EPG5: variants seen among roughly 807,000 people sequenced by gnomAD.
The protein encoded by EPG5 is ectopic P-granules 5 autophagy tethering factor.
Under a neutral mutation model 302.7 loss-of-function variants are expected in EPG5, and 159 were observed. That is an observed-to-expected ratio of 0.53 (90% CI 0.46 to 0.60). The LOEUF (loss-of-function observed/expected upper bound fraction) is 0.60, where lower values mean the gene tolerates loss of function less well. Among genes scored for constraint, EPG5 ranks in the 20% least tolerant of loss-of-function variants. EPG5 has a pLI of 0.00. For synonymous variants in EPG5, 1,158 were observed against 1,136.8 expected, an observed-to-expected ratio of 1.02 and a Z score of -0.37; for missense variants, 2,896 against 3,092.4, an observed-to-expected ratio of 0.94 and a Z score of 1.51.
At chr18:45,956,285 A>G (rs978119515) in intron 1 of EPG5, among the ~76,000 whole-genome samples, 9 of 152,184 alleles carry the variant, frequency 5.9e-5, no homozygotes, top group African/African-American at 2.2e-4. Flanking sequence ...GTGGTCATGA[A>G]AGACAAGACT....
At position 45,917,655 on chromosome 18, in the gene EPG5, C is replaced by T. The variant is rs372018318; in HGVS notation, c.3239+24G>A. 9.9e-6 allele frequency: 16 copies of T among 1,613,248 alleles called. No homozygotes were observed. The East Asian group carries it at 3.1e-4, about 31-fold the overall frequency. Reference sequence around the variant, plus strand: ...TTGCTGGACTGTTTAAGAGTGTCTCCTGCCATAGATGGAACACACTTACTG... The same window carrying T: ...TTGCTGGACTGTTTAAGAGTGTCTCTTGCCATAGATGGAACACACTTACTG... On this transcript the variant is annotated intron_variant, in intron 17 of 43. Transcript: ENST00000282041.
intron 10 of EPG5, among the ~76,000 whole-genome samples, chr18:45,939,179 G>C (rs1376381677): frequency 6.6e-6 from 1 of 152,206 alleles, no homozygotes; most frequent in Non-Finnish European, 1.5e-5. Flanking sequence ...GACATTCCCA[G>C]ACCTTAAAAC....
intron 31 of EPG5, 64 bp downstream of exon 31, chr18:45,882,210 T>C (rs1486846881): frequency 3.7e-6 from 5 of 1,334,506 alleles, no homozygotes; most frequent in Non-Finnish European, 5.3e-6. Flanking sequence ...ATCTGTAAGA[T>C]GAAAAATGTG....
chr18:45,932,840 A>G (rs2050425869), intron 11 of EPG5, among the ~76,000 whole-genome samples: 1 of 152,178 alleles, frequency 6.6e-6, no homozygotes, highest in Non-Finnish European at 1.5e-5. Flanking sequence ...CCTGGAGTCC[A>G]GACAGAAAAC....
chr18:45,963,402 C>T (rs1477861853), intron 1 of EPG5, among the ~76,000 whole-genome samples: 3 of 152,060 alleles, frequency 2.0e-5, no homozygotes, highest in Non-Finnish European at 1.5e-5. Context: ...TTTGGGAGGC[C>T]GAGATGGGTG....
the EPG5 span, among the ~76,000 whole-genome samples, chr18:45,834,737 G>A: frequency 8.6e-4 from 131 of 152,350 alleles, 2 homozygotes; most frequent in Admixed American, 7.1e-3. Flanking sequence ...AAGTGGGGAA[G>A]TGTCCAATAC....
At chr18:45,897,337 C>T (rs911112572) in intron 27 of EPG5, among the ~76,000 whole-genome samples, 5 of 152,190 alleles carry the variant, frequency 3.3e-5, no homozygotes, top group Admixed American at 2.6e-4. Context: ...ATTCTCTTCT[C>T]TATATAAAAT....
intron 36 of EPG5, 40 bp from the exon 37 acceptor site, chr18:45,867,788 C>CAACAG: frequency 6.6e-7 from 1 of 1,519,384 alleles, no homozygotes; most frequent in South Asian, 1.2e-5. Context: ...TTGCCTTGTG[C>CAACAG]TATCTATGTA....
chr18:45,955,311 T>C lies in EPG5; in HGVS notation c.91A>G (p.Arg31Gly), dbSNP rs2051003279. The change falls in exon 2 of 44, where the codon AGG becomes GGG. Residue 31 changes from arginine (R) to glycine (G), a missense_variant. Transcript: ENST00000282041. ...KEKKKYETPQREESSEVSLPK... is the reference protein window; with the variant it reads ...KEKKKYETPQGEESSEVSLPK... ...AGGGAGACTTCACTGGACTCTTCCC[T>C]CTGAGGAGTTTCATACTTCTTCTTT... 1.3e-6 allele frequency: 2 copies of C among 1,589,314 alleles called. No individual in the cohort carries two copies. The highest frequency in any genetic ancestry group is 1.7e-4 in the Middle Eastern group (1 of 5,924).
At chr18:45,863,709 T>A (rs910086721) in intron 39 of EPG5, among the ~76,000 whole-genome samples, 1 of 152,242 alleles carries the variant, frequency 6.6e-6, no homozygotes, top group Non-Finnish European at 1.5e-5. Context: ...CACATTGAAG[T>A]TGTTATCCCA....
At chr18:45,908,121 T>A (rs750038874) in intron 23 of EPG5, 40 bp from the exon 24 acceptor site, 12 of 1,446,108 alleles carry the variant, frequency 8.3e-6, no homozygotes, top group Non-Finnish European at 1.1e-5. Flanking sequence ...CATAAAAAGA[T>A]GAGCATACAA....
chr18:45,951,069 C>G (rs1172139300), intron 4 of EPG5, 33 bp downstream of exon 4: 1 of 1,447,570 alleles, frequency 6.9e-7, no homozygotes, highest in Non-Finnish European at 9.1e-7. Context: ...AGAAATAAAA[C>G]AAAGACTACT....
chr18:45,918,173 G>A (rs567253634), intron 16 of EPG5, among the ~76,000 whole-genome samples: 24 of 152,082 alleles, frequency 1.6e-4, no homozygotes, highest in Non-Finnish European at 2.2e-4. Context: ...AGAGCCGTAG[G>A]GACTCTCCTT....
At chr18:45,958,545 G>C (rs1214204474) in intron 1 of EPG5, among the ~76,000 whole-genome samples, 1 of 152,148 alleles carries the variant, frequency 6.6e-6, no homozygotes, top group Non-Finnish European at 1.5e-5. Context: ...ATTTTGACAA[G>C]AATGCCAAAA....
At position 45,910,135 on chromosome 18, in the gene EPG5, G is replaced by A. The variant is rs146669780; in HGVS notation, c.4205+386C>T. On this transcript the variant is annotated intron_variant, in intron 23 of 43. Coordinates refer to ENST00000282041, the MANE Select transcript of EPG5 (RefSeq NM_020964.3). ...CAAGTAGCTGGGACCACAGGTGCAC[G>A]CCACCAGGCTTGGCTAATTTTTTTT... Among the ~76,000 whole-genome samples, 36 of 152,158 alleles carry A rather than the reference G, an allele frequency of 2.4e-4. No individual in the cohort carries two copies. The East Asian group carries it at 5.6e-3, about 24-fold the overall frequency.
At chr18:45,826,296 T>C in the EPG5 span, among the ~76,000 whole-genome samples, 3 of 152,126 alleles carry the variant, frequency 2.0e-5, no homozygotes, top group Non-Finnish European at 2.9e-5. Context: ...GTGGGAACAC[T>C]GTGGCAGGTT....
chr18:45,928,764 A>C, intron 13 of EPG5, 105 bp downstream of exon 13: 330 of 1,100,204 alleles, frequency 3.0e-4, no homozygotes, highest in Non-Finnish European at 3.9e-4. Flanking sequence ...TATCCTGTTT[A>C]TACCCCTAGT....
Position 45,928,744 on chromosome 18 carries a change from T to C in EPG5, c.2553+125A>G, listed in dbSNP as rs1038163606. On this transcript the variant is annotated intron_variant, in intron 13 of 43. Coordinates refer to ENST00000282041, the MANE Select transcript of EPG5 (RefSeq NM_020964.3). ...ACACAGAGGCTGGCACAGTAAATGT[T>C]AGTTCCTTTTATCCTGTTTATACCC... 8 of 821,100 alleles carry C rather than the reference T, an allele frequency of 9.7e-6. No individual in the cohort carries two copies. The African/African-American group carries it at 1.4e-4, about 14-fold the overall frequency. The allele number at this position is 821,100 out of a possible 1,614,324, so 50.9% of individuals were successfully genotyped here.
intron 38 of EPG5, 65 bp downstream of exon 38, chr18:45,866,733 T>C: frequency 3.9e-6 from 5 of 1,278,750 alleles, no homozygotes; most frequent in Middle Eastern, 1.9e-4. Flanking sequence ...CTGTCCTTTG[T>C]AGCACTTATG....
Sources: gnomAD v4.1 joint callset for allele counts (sites outside exome capture counted in the v4.1 genomes callset) on GRCh38, gnomAD v4.1.1 for gene constraint, MANE v1.5 for transcripts, NCBI Gene and HGNC (gene_info 2026-07-23, HGNC 2026-07-21) for gene names.